RNGTT: variants seen among roughly 807,000 people sequenced by gnomAD.
The protein encoded by RNGTT is RNA guanylyltransferase and 5'-phosphatase.
A neutral mutation model predicts 79.3 loss-of-function variants in RNGTT; 33 were observed. That is an observed-to-expected ratio of 0.42 (90% CI 0.32 to 0.56). The LOEUF is 0.56. Ranked by LOEUF, RNGTT falls within the 20% of genes least tolerant of loss-of-function variation. RNGTT has a pLI of 0.17. For synonymous variants in RNGTT, 222 were observed against 235.9 expected, an observed-to-expected ratio of 0.94 and a Z score of 0.54; for missense variants, 497 against 739.1, an observed-to-expected ratio of 0.67 and a Z score of 3.80.
chr6:88,725,499 A>G (rs1338153305), intron 13 of RNGTT, among the ~76,000 whole-genome samples: 1 of 152,230 alleles, frequency 6.6e-6, no homozygotes, highest in Non-Finnish European at 1.5e-5. Context: ...AGGGAAAGAA[A>G]GCCACAGGGG....
intron 13 of RNGTT, among the ~76,000 whole-genome samples, chr6:88,706,294 T>G (rs993762989): frequency 5.3e-5 from 8 of 152,066 alleles, no homozygotes; most frequent in African/African-American, 1.9e-4. Context: ...AAGCAAGGTG[T>G]TGTCTCTGAG....
rs189623950 is a variant in RNGTT at position 88,790,596 on chromosome 6, C to A, written c.1338+10968G>T. On this transcript the variant is annotated intron_variant, in intron 12 of 15. Transcript: ENST00000369485. ...AAGATTTTCAGGGAAAATAACTACA[C>A]GTTATAAAATTTGTATATCCTCCAA... 1.9e-3 allele frequency among the ~76,000 whole-genome samples: 290 copies of A among 152,068 alleles called. 4 individuals are homozygous for A. Among genetic ancestry groups the A allele is most frequent in the African/African-American group, 6.8e-3 (283 of 41,508 alleles).
chr6:88,821,290 T>G (rs2127879958), intron 11 of RNGTT, among the ~76,000 whole-genome samples: 1 of 152,300 alleles, frequency 6.6e-6, no homozygotes, highest in Non-Finnish European at 1.5e-5. Context: ...TTATGATTTG[T>G]GTATGTTTCA....
chr6:88,720,037 G>A (rs1273883730), intron 13 of RNGTT, among the ~76,000 whole-genome samples: 1 of 152,176 alleles, frequency 6.6e-6, no homozygotes, highest in Non-Finnish European at 1.5e-5. Flanking sequence ...GTTTAGAGGA[G>A]AACTAAAACC....
At chr6:88,685,905 A>G (rs977765317) in intron 13 of RNGTT, among the ~76,000 whole-genome samples, 2 of 151,824 alleles carry the variant, frequency 1.3e-5, no homozygotes, top group Non-Finnish European at 2.9e-5. Context: ...ACCTTCTATC[A>G]CCATTTTTGT....
intron 2 of RNGTT, among the ~76,000 whole-genome samples, chr6:88,933,229 T>A (rs1169610141): frequency 6.6e-6 from 1 of 152,220 alleles, no homozygotes; most frequent in Non-Finnish European, 1.5e-5. Flanking sequence ...GGAGTATCCA[T>A]CACCTTGAAT....
chr6:88,780,538 G>A (rs1779028020), intron 12 of RNGTT, among the ~76,000 whole-genome samples: 1 of 152,044 alleles, frequency 6.6e-6, no homozygotes, highest in South Asian at 2.1e-4. Flanking sequence ...TTACCAGCAT[G>A]TATCTAGGTT....
At chr6:88,697,002 A>G (rs1298387409) in intron 13 of RNGTT, among the ~76,000 whole-genome samples, 1 of 152,162 alleles carries the variant, frequency 6.6e-6, no homozygotes, top group Non-Finnish European at 1.5e-5. Flanking sequence ...CAAAAAGAAA[A>G]ATGTTGTTGT....
At chr6:88,644,584 A>G (rs1773463668) in intron 14 of RNGTT, among the ~76,000 whole-genome samples, 1 of 152,220 alleles carries the variant, frequency 6.6e-6, no homozygotes, top group Non-Finnish European at 1.5e-5. Context: ...CCTGATGAAC[A>G]CTGATGCAAA....
At chr6:88,829,743 GTC>G (rs1345037439) in intron 11 of RNGTT, among the ~76,000 whole-genome samples, 1 of 145,712 alleles carries the variant, frequency 6.9e-6, no homozygotes, top group Non-Finnish European at 1.5e-5. Context: ...TGCAATCCTA[GTC>G]TCTGATAAAA....
At chr6:88,643,098 C>A (rs2127773923) in intron 14 of RNGTT, among the ~76,000 whole-genome samples, 1 of 152,202 alleles carries the variant, frequency 6.6e-6, no homozygotes, top group Admixed American at 6.5e-5. Flanking sequence ...CCTAACCTCA[C>A]AGCTTAGCAT....
intron 13 of RNGTT, among the ~76,000 whole-genome samples, chr6:88,758,820 C>A (rs1281699914): frequency 6.6e-6 from 1 of 152,100 alleles, no homozygotes; most frequent in Non-Finnish European, 1.5e-5. Flanking sequence ...TAAAAATTTC[C>A]CTCCCAGACT....
intron 14 of RNGTT, among the ~76,000 whole-genome samples, chr6:88,644,905 G>C (rs1708011391): frequency 6.6e-6 from 1 of 152,168 alleles, no homozygotes; most frequent in Non-Finnish European, 1.5e-5. Context: ...CATACTGAAT[G>C]GGCAAAAACT....
chr6:88,665,677 C>A (rs1183574564), intron 14 of RNGTT, among the ~76,000 whole-genome samples: 5 of 152,212 alleles, frequency 3.3e-5, no homozygotes, highest in Non-Finnish European at 2.9e-5. Flanking sequence ...GGTGTCACCA[C>A]TCATTACACT....
At chr6:88,745,636 A>G (rs1008590417) in intron 13 of RNGTT, among the ~76,000 whole-genome samples, 2 of 152,180 alleles carry the variant, frequency 1.3e-5, no homozygotes, top group Admixed American at 6.5e-5. Flanking sequence ...TCTATAGAAG[A>G]GTGCCGGTCT....
intron 1 of RNGTT, among the ~76,000 whole-genome samples, chr6:88,944,338 A>G (rs1417922462): frequency 1.3e-5 from 2 of 152,242 alleles, no homozygotes; most frequent in Admixed American, 1.3e-4. Flanking sequence ...ATTCAAATGA[A>G]GACTACGGAT....
chr6:88,614,407 G>C lies in RNGTT; in HGVS notation c.1507-12C>G, dbSNP rs1772144950. 1.9e-6 allele frequency: 3 copies of C among 1,611,264 alleles called. No individual in the cohort carries two copies. The highest frequency in any genetic ancestry group is 2.5e-6 in the Non-Finnish European group (3 of 1,178,466). On this transcript the variant is annotated splice_polypyrimidine_tract_variant and intron_variant, in intron 14 of 15. Transcript: ENST00000369485. Reference sequence around the variant, plus strand: ...AGCTCTTTTGTCACCTGTTTTGAAAGAGAATTGAGGAAAATATTTAAATAA... The same window carrying C: ...AGCTCTTTTGTCACCTGTTTTGAAACAGAATTGAGGAAAATATTTAAATAA...
At chr6:88,627,896 T>C (rs2127768045) in intron 14 of RNGTT, among the ~76,000 whole-genome samples, 1 of 152,284 alleles carries the variant, frequency 6.6e-6, no homozygotes, top group African/African-American at 2.4e-5. Context: ...AAAGTCTCAC[T>C]GAGACCTTCT....
At chr6:88,850,323 G>A (rs1286659843) in intron 9 of RNGTT, among the ~76,000 whole-genome samples, 1 of 151,680 alleles carries the variant, frequency 6.6e-6, no homozygotes, top group Non-Finnish European at 1.5e-5. Context: ...ACTTTACTAG[G>A]CTTTGTTCAA....
Sources: allele counts gnomAD v4.1 joint callset (sites outside exome capture counted in the v4.1 genomes callset), GRCh38; gene constraint gnomAD v4.1.1; transcripts MANE v1.5; gene names NCBI Gene and HGNC (gene_info 2026-07-23, HGNC 2026-07-21).